GPR89B: variants seen among roughly 807,000 people sequenced by gnomAD.
GPR89B encodes the protein G protein-coupled receptor 89B.
In GPR89B, 25 loss-of-function variants were observed where a neutral mutation model predicts 52.4. That is an observed-to-expected ratio of 0.48 (90% CI 0.35 to 0.67). GPR89B has a LOEUF of 0.67. GPR89B is among the 30% of genes least tolerant of loss of function. The probability of loss-of-function intolerance (pLI) is 0.01; values close to 1 mark genes in which losing one functional copy is unlikely to be tolerated. For missense variants in GPR89B, 146 were observed against 450.2 expected, an observed-to-expected ratio of 0.32 and a Z score of 6.11; for synonymous variants, 52 against 151.2, an observed-to-expected ratio of 0.34 and a Z score of 4.81.
chr1:147,936,200 C>T (rs141126489), intron 1 of GPR89B, among the ~76,000 whole-genome samples: 6,789 of 152,156 alleles, frequency 0.045, 214 homozygotes, highest in African/African-American at 0.075. Flanking sequence ...TCAGTAGAGA[C>T]GGTGCTTTGC....
At chr1:148,017,406 G>A in the GPR89B span, among the ~76,000 whole-genome samples, 1 of 151,458 alleles carries the variant, frequency 6.6e-6, no homozygotes, top group African/African-American at 2.4e-5. Flanking sequence ...GGAGTAAAGA[G>A]GATGAAATGG....
At chr1:147,966,316 A>T (rs1657040009) in intron 7 of GPR89B, among the ~76,000 whole-genome samples, 1 of 146,438 alleles carries the variant, frequency 6.8e-6, no homozygotes, top group African/African-American at 2.7e-5. Flanking sequence ...TCCAAATAGC[A>T]GAGCCAGTCC....
chr1:147,982,971 G>T (rs1305955556), intron 10 of GPR89B, among the ~76,000 whole-genome samples: 1 of 151,846 alleles, frequency 6.6e-6, no homozygotes, highest in African/African-American at 2.4e-5. Context: ...GTATAAGAAT[G>T]CTTGTGATTT....
rs587741683 is a variant in GPR89B, at chr1:147,935,238, C to T, written c.43-1389C>T. On this transcript the variant is annotated intron_variant, in intron 1 of 13. Transcript: ENST00000314163. ...TTTCAGAGGACATCTACACAGGTCT[C>T]GATGTGAAAGAATATGGATCTAAAG... 1.6e-3 allele frequency among the ~76,000 whole-genome samples: 247 copies of T among 151,942 alleles called. 1 individual carries two copies. Among genetic ancestry groups the T allele is most frequent in the African/African-American group, 5.5e-3 (229 of 41,386 alleles).
At chr1:147,935,672 C>G (rs1284899787) in intron 1 of GPR89B, among the ~76,000 whole-genome samples, 3 of 152,142 alleles carry the variant, frequency 2.0e-5, no homozygotes, top group Admixed American at 6.5e-5. Flanking sequence ...ATTAGGCTTT[C>G]TACTACTCCT....
At chr1:147,992,670 A>G (rs1367441731) in intron 13 of GPR89B, 41 bp from the exon 14 acceptor site, 77 of 1,246,072 alleles carry the variant, frequency 6.2e-5, no homozygotes, top group Middle Eastern at 2.7e-4. Context: ...GTTCCTCACT[A>G]CATTCAGAGT....
intron 9 of GPR89B, chr1:147,969,346 G>A (rs1657255207): frequency 4.3e-6 from 1 of 233,050 alleles, no homozygotes; most frequent in African/African-American, 2.3e-5. Context: ...CTATTTTAAA[G>A]GATCCAGATC....
At chr1:148,011,417 G>C in the GPR89B span, 2 of 152,098 alleles carry the variant, frequency 1.3e-5, no homozygotes, top group Non-Finnish European at 2.9e-5. Context: ...TCTAGTCTCC[G>C]GGCACACCCC....
At chr1:148,003,517 A>T in the GPR89B span, among the ~76,000 whole-genome samples, 2 of 152,160 alleles carry the variant, frequency 1.3e-5, no homozygotes, top group African/African-American at 4.8e-5. Context: ...AAACGCTACC[A>T]ATTTGGATTT....
intron 2 of GPR89B, among the ~76,000 whole-genome samples, chr1:147,936,935 A>T (rs1558033203): frequency 6.6e-6 from 1 of 152,140 alleles, no homozygotes; most frequent in Non-Finnish European, 1.5e-5. Context: ...GATATGTACC[A>T]ATAGCAAATA....
chr1:147,943,430 T>G lies in GPR89B; in HGVS notation c.207-8T>G. ...CCTCCCAGTGACAGTCTTTGACATT[T>G]ATTTCAGCTCCCGTTATTTTCACTG... is the stretch of plus-strand genomic sequence containing the variant. On this transcript the variant is annotated splice_region_variant and splice_polypyrimidine_tract_variant and intron_variant, in intron 3 of 13. Transcript: ENST00000314163. 6.2e-7 allele frequency: 1 copy of G among 1,606,768 alleles called. No individual in the cohort carries two copies. The highest frequency in any genetic ancestry group is 8.5e-7 in the Non-Finnish European group (1 of 1,175,576).
chr1:147,975,885 C>A (rs1411069098), intron 10 of GPR89B, among the ~76,000 whole-genome samples: 1 of 152,158 alleles, frequency 6.6e-6, no homozygotes, highest in East Asian at 1.9e-4. Context: ...CAAATAACTT[C>A]TTGATTTCTG....
rs1223168338 is a variant in GPR89B, at chr1:147,955,013, C to T, written c.617+611C>T. 7.7e-3 allele frequency among the ~76,000 whole-genome samples: 1,170 copies of T among 151,960 alleles called. 20 individuals are homozygous for T. Among genetic ancestry groups the T allele is most frequent in the East Asian group, 0.045 (234 of 5,170 alleles). ...GTTGCAAAGAAAAAAAACCTTATTC[C>T]TCCTTGTCTAACTGAAGCTTTGTAC... On this transcript the variant is annotated intron_variant, in intron 7 of 13. Transcript: ENST00000314163.
At chr1:147,950,093 C>G (rs1457934948) in intron 5 of GPR89B, among the ~76,000 whole-genome samples, 1 of 151,212 alleles carries the variant, frequency 6.6e-6, no homozygotes, top group Non-Finnish European at 1.5e-5. Context: ...ACCTCCCTCC[C>G]GGACGGGGTG....
chr1:148,008,836 A>G, the GPR89B span, among the ~76,000 whole-genome samples: 4 of 152,252 alleles, frequency 2.6e-5, no homozygotes, highest in East Asian at 7.7e-4. Context: ...TTTTTGCGGT[A>G]TTCTCAGCAA....
At chr1:147,958,182 C>T (rs1304450135) in intron 7 of GPR89B, among the ~76,000 whole-genome samples, 9 of 151,800 alleles carry the variant, frequency 5.9e-5, no homozygotes, top group Non-Finnish European at 1.3e-4. Context: ...AAGGTAGACA[C>T]GTGTATAATT....
chr1:147,984,093 C>A, intron 10 of GPR89B, among the ~76,000 whole-genome samples: 1 of 127,256 alleles, frequency 7.9e-6, no homozygotes, highest in African/African-American at 3.0e-5. Context: ...AACCAAACAC[C>A]ACATGTTCTC....
intron 12 of GPR89B, among the ~76,000 whole-genome samples, chr1:147,991,590 A>C (rs1659072501): frequency 6.6e-6 from 1 of 152,150 alleles, no homozygotes; most frequent in Non-Finnish European, 1.5e-5. Flanking sequence ...TGGGTTTGTC[A>C]TAAATAGCTC....
chr1:148,015,293 A>ATCTATC, the GPR89B span, among the ~76,000 whole-genome samples: 1 of 69,888 alleles, frequency 1.4e-5, no homozygotes, highest in Middle Eastern at 6.4e-3. Context: ...GGATTCTAGG[A>ATCTATC]TCTCTCTCTC....
Sources: allele counts gnomAD v4.1 joint callset (sites outside exome capture counted in the v4.1 genomes callset), GRCh38; gene constraint gnomAD v4.1.1; transcripts MANE v1.5; gene names NCBI Gene and HGNC (gene_info 2026-07-23, HGNC 2026-07-21).